The following CDKAL1 variants were observed in gnomAD, a reference collection of about 807,000 sequenced individuals.
CDKAL1 encodes the protein CDKAL1 threonylcarbamoyladenosine tRNA methylthiotransferase.
CDKAL1 carries 32 observed loss-of-function variants against 68.2 expected under a neutral mutation model. That is an observed-to-expected ratio of 0.47 (90% CI 0.35 to 0.63). The LOEUF is 0.63. CDKAL1 is among the 30% of genes least tolerant of loss of function. CDKAL1 has a pLI of 0.00. For missense variants in CDKAL1, 606 were observed against 696.7 expected, an observed-to-expected ratio of 0.87 and a Z score of 1.47; for synonymous variants, 234 against 244.3, an observed-to-expected ratio of 0.96 and a Z score of 0.39.
At chr6:21,193,709 G>A (rs1317535862) in intron 13 of CDKAL1, among the ~76,000 whole-genome samples, 1 of 152,138 alleles carries the variant, frequency 6.6e-6, no homozygotes, top group African/African-American at 2.4e-5. Context: ...CTAGAACTGT[G>A]TGCTTCTGCT....
At chr6:20,967,770 G>A (rs1430595309) in intron 10 of CDKAL1, among the ~76,000 whole-genome samples, 2 of 152,192 alleles carry the variant, frequency 1.3e-5, no homozygotes, top group Non-Finnish European at 2.9e-5. Flanking sequence ...GTTCCATTTA[G>A]CATTTCTTGA....
At chr6:20,918,547 CAT>C (rs1164676628) in intron 9 of CDKAL1, among the ~76,000 whole-genome samples, 1 of 152,186 alleles carries the variant, frequency 6.6e-6, no homozygotes, top group African/African-American at 2.4e-5. Flanking sequence ...CATTCTTGTA[CAT>C]CACAAAAAGC....
At chr6:21,012,354 A>G (rs567546456) in intron 11 of CDKAL1, among the ~76,000 whole-genome samples, 1 of 152,254 alleles carries the variant, frequency 6.6e-6, no homozygotes, top group East Asian at 1.9e-4. Flanking sequence ...CCATTTGTCC[A>G]TTCTTCTTGC....
chr6:20,738,962 T>G (rs1376925811), intron 5 of CDKAL1, among the ~76,000 whole-genome samples: 1 of 152,202 alleles, frequency 6.6e-6, no homozygotes, highest in Non-Finnish European at 1.5e-5. Flanking sequence ...GATAGTCTTG[T>G]GTCTGGAAGT....
At position 20,915,413 on chromosome 6, in the gene CDKAL1, TTGTTGCA is replaced by T. The variant is rs1370692494; in HGVS notation, c.743-40005_743-39999del. On this transcript the variant is annotated intron_variant, in intron 9 of 15. Coordinates refer to ENST00000274695, the MANE Select transcript of CDKAL1 (RefSeq NM_017774.3). ...AGGCTGGAAATTTCACCAGGAGTCA[TTGTTGCA>T]GTCTTGAGTTTGAAGGCAGAATTCC... Among the ~76,000 whole-genome samples the T allele has an allele frequency of 3.3e-5, 5 of 152,178 alleles. No homozygotes were observed. The South Asian group carries it at 1.0e-3, about 31-fold the overall frequency.
At chr6:21,179,087 T>C (rs1362568023) in intron 13 of CDKAL1, among the ~76,000 whole-genome samples, 1 of 152,268 alleles carries the variant, frequency 6.6e-6, no homozygotes, top group African/African-American at 2.4e-5. Context: ...AGTGACGTGC[T>C]CATTGCATGG....
chr6:21,162,581 G>A (rs1026034799), intron 13 of CDKAL1, among the ~76,000 whole-genome samples: 6 of 152,168 alleles, frequency 3.9e-5, no homozygotes, highest in Admixed American at 6.5e-5. Flanking sequence ...ATCAGTCTCA[G>A]CATCACATAT....
intron 9 of CDKAL1, among the ~76,000 whole-genome samples, chr6:20,910,660 G>A (rs1235296523): frequency 1.3e-5 from 2 of 152,100 alleles, no homozygotes; most frequent in Non-Finnish European, 2.9e-5. Context: ...GTTAAATAGT[G>A]TCACCCCAAA....
At chr6:21,099,371 A>G (rs940606632) in intron 12 of CDKAL1, among the ~76,000 whole-genome samples, 1 of 152,242 alleles carries the variant, frequency 6.6e-6, no homozygotes, top group East Asian at 1.9e-4. Flanking sequence ...AAAACTTTAT[A>G]TATATAAATT....
intron 8 of CDKAL1, among the ~76,000 whole-genome samples, chr6:20,794,626 T>A (rs896968350): frequency 1.3e-5 from 2 of 152,162 alleles, no homozygotes; most frequent in African/African-American, 4.8e-5. Flanking sequence ...ATTCACATAT[T>A]CATAGACTGT....
At chr6:20,665,074 G>T (rs567559812) in intron 5 of CDKAL1, among the ~76,000 whole-genome samples, 1 of 152,092 alleles carries the variant, frequency 6.6e-6, no homozygotes, top group East Asian at 1.9e-4. Context: ...GATGGGGTTG[G>T]GGGAGTGATC....
At position 20,905,803 on chromosome 6, in the gene CDKAL1, CA is replaced by C. The variant is rs147862870; in HGVS notation, c.743-49612del. ...CAACATAAAAGAAAAAAGAAAAAAACAAAACAACACAAAACAAACCCAGACA... is the reference window on the plus strand; with the variant it reads ...CAACATAAAAGAAAAAAGAAAAAAACAAACAACACAAAACAAACCCAGACA... On this transcript the variant is annotated intron_variant, in intron 9 of 15. Transcript: ENST00000274695. 5.4e-3 allele frequency among the ~76,000 whole-genome samples: 825 copies of C among 152,176 alleles called. 10 individuals are homozygous for C. Among genetic ancestry groups the C allele is most frequent in the African/African-American group, 0.018 (766 of 41,512 alleles).
At chr6:20,768,654 C>A (rs905479377) in intron 7 of CDKAL1, among the ~76,000 whole-genome samples, 1 of 152,086 alleles carries the variant, frequency 6.6e-6, no homozygotes, top group African/African-American at 2.4e-5. Flanking sequence ...TGGGCAGTGA[C>A]AGGGAGCGTG....
intron 10 of CDKAL1, among the ~76,000 whole-genome samples, chr6:20,959,194 GTGTT>G (rs893278860): frequency 2.6e-5 from 4 of 152,158 alleles, no homozygotes; most frequent in African/African-American, 9.6e-5. Flanking sequence ...AGTGAAGTGT[GTGTT>G]TGGGACATCT....
chr6:20,730,304 AAGAAAG>A (rs1006232771), intron 5 of CDKAL1, among the ~76,000 whole-genome samples: 13 of 151,876 alleles, frequency 8.6e-5, no homozygotes, highest in African/African-American at 3.1e-4. Context: ...AAAAAAAAGA[AAGAAAG>A]AGAAAGAAAA....
chr6:21,169,934 C>G (rs1777313337), intron 13 of CDKAL1, among the ~76,000 whole-genome samples: 1 of 140,572 alleles, frequency 7.1e-6, no homozygotes, highest in Non-Finnish European at 1.5e-5. Context: ...CCCCCCACCC[C>G]ATGATTCAGT....
chr6:20,853,968 A>G (rs1024771942), intron 9 of CDKAL1, among the ~76,000 whole-genome samples: 6 of 152,234 alleles, frequency 3.9e-5, no homozygotes. Flanking sequence ...TTCAAAGTCC[A>G]AAGGTACTTA....
chr6:21,068,231 AT>A (rs56001689), intron 12 of CDKAL1, among the ~76,000 whole-genome samples: 124,618 of 151,652 alleles, frequency 0.82, 51,782 homozygotes, highest in African/African-American at 0.96. Flanking sequence ...GAATTTATCA[AT>A]TTTTTTTTTA....
intron 5 of CDKAL1, among the ~76,000 whole-genome samples, chr6:20,729,521 C>T (rs945050042): frequency 3.9e-5 from 6 of 152,208 alleles, no homozygotes. Flanking sequence ...ATTGTGGACA[C>T]ATTTCCTTGT....
Sources: gnomAD v4.1 joint callset for allele counts (sites outside exome capture counted in the v4.1 genomes callset) on GRCh38, gnomAD v4.1.1 for gene constraint, MANE v1.5 for transcripts, NCBI Gene and HGNC (gene_info 2026-07-23, HGNC 2026-07-21) for gene names.